NUP93: variants seen among roughly 807,000 people sequenced by gnomAD.
NUP93 encodes the protein nuclear pore complex protein Nup93.
Under a neutral mutation model 107.8 loss-of-function variants are expected in NUP93, and 55 were observed. The observed-to-expected ratio is 0.51, with a 90% CI of 0.41 to 0.64. The LOEUF is 0.64. Among genes scored for constraint, NUP93 ranks in the 30% least tolerant of loss-of-function variants. The pLI, the probability that NUP93 is intolerant of heterozygous loss-of-function variation, is 0.00. For missense variants in NUP93, 937 were observed against 1,044.7 expected (o/e 0.90, Z 1.42); for synonymous variants, 390 against 397.5 (o/e 0.98, Z 0.22).
intron 3 of NUP93, among the ~76,000 whole-genome samples, chr16:56,777,208 C>T (rs1172299347): frequency 6.6e-6 from 1 of 152,140 alleles, no homozygotes; most frequent in Non-Finnish European, 1.5e-5. Flanking sequence ...TTAGTAATTG[C>T]TTTTATTGGG....
chr16:56,802,564 C>A (rs1428703579), intron 4 of NUP93, among the ~76,000 whole-genome samples: 1 of 87,326 alleles, frequency 1.1e-5, no homozygotes, highest in African/African-American at 5.5e-5. Flanking sequence ...CAGCAACGCA[C>A]CAACCTTCTT....
At chr16:56,819,757 A>G (rs755515389) in intron 6 of NUP93, among the ~76,000 whole-genome samples, 8 of 152,226 alleles carry the variant, frequency 5.3e-5, no homozygotes, top group Non-Finnish European at 1.0e-4. Flanking sequence ...AGCTGATGGT[A>G]TTATCAGAAG....
chr16:56,754,172 T>C (rs181080257), intron 2 of NUP93, among the ~76,000 whole-genome samples: 1 of 152,066 alleles, frequency 6.6e-6, no homozygotes, highest in Non-Finnish European at 1.5e-5. Flanking sequence ...CCAAATCTTA[T>C]GGGAACTCAC....
chr16:56,771,104 T>G (rs572959721), intron 3 of NUP93, among the ~76,000 whole-genome samples: 1 of 152,310 alleles, frequency 6.6e-6, no homozygotes, highest in East Asian at 1.9e-4. Context: ...AGGCTGGTTA[T>G]TGAGAAGTTC....
chr16:56,806,904 G>A (rs1231943975), intron 5 of NUP93, among the ~76,000 whole-genome samples: 1 of 152,132 alleles, frequency 6.6e-6, no homozygotes, highest in African/African-American at 2.4e-5. Context: ...GACCACTCTG[G>A]TCTTTCTGCT....
chr16:56,808,131 A>AAAT (rs796717876), intron 5 of NUP93, among the ~76,000 whole-genome samples: 1 of 95,856 alleles, frequency 1.0e-5, no homozygotes, highest in African/African-American at 4.0e-5. Flanking sequence ...TAACTATATA[A>AAAT]ATATATTTAT....
chr16:56,748,511 C>A, intron 2 of NUP93, 85 bp downstream of exon 2: 4 of 1,200,412 alleles, frequency 3.3e-6, no homozygotes, highest in Non-Finnish European at 4.6e-6. Flanking sequence ...AATTCAGATC[C>A]AATCTGTGAA....
chr16:56,798,758 A>G (rs1345813926), intron 4 of NUP93, among the ~76,000 whole-genome samples: 1 of 151,482 alleles, frequency 6.6e-6, no homozygotes, highest in Non-Finnish European at 1.5e-5. Context: ...GGTCCCAGCT[A>G]CTCCGGTGGT....
intron 8 of NUP93, among the ~76,000 whole-genome samples, chr16:56,826,726 G>A (rs575799227): frequency 2.6e-5 from 4 of 151,956 alleles, no homozygotes; most frequent in East Asian, 1.9e-4. Context: ...CGTTCTTGAC[G>A]TGTATTTTTT....
intron 4 of NUP93, 164 bp from the exon 5 acceptor site, chr16:56,805,340 G>T: frequency 1.4e-6 from 1 of 722,620 alleles, no homozygotes; most frequent in South Asian, 2.1e-5. Flanking sequence ...AAACCACCAC[G>T]CTCAGCCAGT....
chr16:56,761,965 A>T (rs953583797), intron 3 of NUP93, among the ~76,000 whole-genome samples: 14 of 152,340 alleles, frequency 9.2e-5, no homozygotes, highest in African/African-American at 2.9e-4. Flanking sequence ...ATATGTAGGG[A>T]TGATACTAGT....
chr16:56,839,833 G>A (rs1334859631), intron 20 of NUP93: 1 of 501,026 alleles, frequency 2.0e-6, no homozygotes, highest in Admixed American at 3.4e-5. Flanking sequence ...AGTCACTTCA[G>A]TGATTGACAT....
intron 3 of NUP93, among the ~76,000 whole-genome samples, chr16:56,790,151 A>G (rs2144537775): frequency 6.6e-6 from 1 of 152,048 alleles, no homozygotes; most frequent in African/African-American, 2.4e-5. Context: ...GTGGTACTTT[A>G]AATATCTGAG....
At chr16:56,805,447 A>G (rs575751948) in intron 4 of NUP93, 57 bp from the exon 5 acceptor site, 2 of 1,603,904 alleles carry the variant, frequency 1.2e-6, no homozygotes, top group Non-Finnish European at 1.7e-6. Flanking sequence ...TGGGTCTTAA[A>G]CCATGTTTTT....
intron 3 of NUP93, among the ~76,000 whole-genome samples, chr16:56,759,504 A>G (rs2144484021): frequency 6.6e-6 from 1 of 152,328 alleles, no homozygotes; most frequent in East Asian, 1.9e-4. Flanking sequence ...ATTTGAATTC[A>G]GAAACCTAAA....
intron 3 of NUP93, among the ~76,000 whole-genome samples, chr16:56,773,640 C>T (rs1054266943): frequency 6.6e-6 from 1 of 152,220 alleles, no homozygotes; most frequent in Non-Finnish European, 1.5e-5. Flanking sequence ...TTCTCAGGCT[C>T]CCCGCAGACC....
At chr16:56,751,228 C>A (rs1490027638) in intron 2 of NUP93, among the ~76,000 whole-genome samples, 1 of 152,108 alleles carries the variant, frequency 6.6e-6, no homozygotes, top group Non-Finnish European at 1.5e-5. Flanking sequence ...TGTCATCCAA[C>A]GTAACCAATG....
chr16:56,769,883 G>A (rs895209815), intron 3 of NUP93, among the ~76,000 whole-genome samples: 2 of 152,094 alleles, frequency 1.3e-5, no homozygotes, highest in African/African-American at 2.4e-5. Context: ...GCAGTGTGCC[G>A]GAATGTTGAA....
chr16:56,804,712 C>T (rs1963095790), intron 4 of NUP93, among the ~76,000 whole-genome samples: 2 of 152,018 alleles, frequency 1.3e-5, no homozygotes, highest in African/African-American at 4.8e-5. Context: ...AGTTTGAGAC[C>T]AGCCTGGCCA....
Sources: allele counts gnomAD v4.1 joint callset (sites outside exome capture counted in the v4.1 genomes callset), GRCh38; gene constraint gnomAD v4.1.1; transcripts MANE v1.5; gene names NCBI Gene and HGNC (gene_info 2026-07-23, HGNC 2026-07-21).